ZEB2: variants seen among roughly 807,000 people sequenced by gnomAD.
The protein encoded by ZEB2 is zinc finger E-box-binding homeobox 2.
A neutral mutation model predicts 99.9 loss-of-function variants in ZEB2; 6 were observed. That is an observed-to-expected ratio of 0.06 (90% confidence interval 0.03 to 0.12). The LOEUF is 0.12. ZEB2 is among the 10% of genes least tolerant of loss of function. The pLI is 1.00. For synonymous variants in ZEB2, 517 were observed against 542.5 expected, an observed-to-expected ratio of 0.95 and a Z score of 0.65; for missense variants, 969 against 1,502.8, an observed-to-expected ratio of 0.64 and a Z score of 5.87.
intron 2 of ZEB2, 101 bp downstream of exon 2, chr2:144,517,171 GCGCCGC>G: frequency 2.0e-6 from 3 of 1,473,248 alleles, no homozygotes; most frequent in South Asian, 1.1e-5. Flanking sequence ...AGAGCCCTGG[GCGCCGC>G]CGCCGCCGCC....
intron 9 of ZEB2, chr2:144,394,557 T>C (rs932603561): frequency 8.5e-5 from 13 of 152,254 alleles, no homozygotes; most frequent in Non-Finnish European, 1.8e-4. Context: ...TATGAAAATA[T>C]CTTTACTTTG....
chr2:144,500,814 A>T (rs1160425904), intron 2 of ZEB2, among the ~76,000 whole-genome samples: 1 of 152,202 alleles, frequency 6.6e-6, no homozygotes, highest in Admixed American at 6.5e-5. Context: ...CAAGGAGCAT[A>T]CAAGTGAGGT....
intron 4 of ZEB2, among the ~76,000 whole-genome samples, chr2:144,414,203 T>C (rs1245883412): frequency 3.3e-5 from 5 of 152,212 alleles, no homozygotes; most frequent in Non-Finnish European, 7.3e-5. Context: ...TGTTCAATAC[T>C]TGAAGCAGTG....
chr2:144,487,850 A>C (rs1031080770), intron 2 of ZEB2, among the ~76,000 whole-genome samples: 1 of 152,278 alleles, frequency 6.6e-6, no homozygotes, highest in Non-Finnish European at 1.5e-5. Flanking sequence ...TATTACCTAA[A>C]GCATTTCAGC....
At chr2:144,447,940 A>G (rs1466845375) in intron 2 of ZEB2, among the ~76,000 whole-genome samples, 1 of 152,216 alleles carries the variant, frequency 6.6e-6, no homozygotes, top group African/African-American at 2.4e-5. Flanking sequence ...TAAGTTATCT[A>G]ACCTGCCTCC....
At chr2:144,462,276 G>C (rs1218435368) in intron 2 of ZEB2, 1 of 152,148 alleles carries the variant, frequency 6.6e-6, no homozygotes, top group Non-Finnish European at 1.5e-5. Context: ...TTCAGACACG[G>C]AACTTGGGTG....
chr2:144,517,294 A>G lies in ZEB2; in HGVS notation c.57T>C (p.Asn19=), dbSNP rs1219199315. ...GPRCKRRKQA[N]PRRKNVVNYD... is the part of the protein sequence containing the mutation. Reference sequence around the variant, plus strand: ...GCTTCTTACCGTTTTTCCTCCTGGGATTGGCTTGTTTGCGCCTCTTGCACC... The same window carrying G: ...GCTTCTTACCGTTTTTCCTCCTGGGGTTGGCTTGTTTGCGCCTCTTGCACC... Residue 19 remains asparagine (N), a synonymous_variant, in exon 2 of 10, where the codon AAT becomes AAC. Transcript: ENST00000627532. 1 of 1,612,918 alleles carries G rather than the reference A, an allele frequency of 6.2e-7. No homozygotes were observed. The highest frequency in any genetic ancestry group is 1.1e-5 in the South Asian group (1 of 91,068).
At chr2:144,398,169 T>C in intron 8 of ZEB2, 132 bp downstream of exon 8, 1 of 1,178,106 alleles carries the variant, frequency 8.5e-7, no homozygotes. Flanking sequence ...ACTGATGGTT[T>C]TAGGTTCATG....
chr2:144,512,886 C>G (rs1208748524), intron 2 of ZEB2: 23 of 1,287,098 alleles, frequency 1.8e-5, no homozygotes, highest in Non-Finnish European at 2.1e-5. Context: ...AGAACTGGTA[C>G]CTGCCACACA....
intron 2 of ZEB2, among the ~76,000 whole-genome samples, chr2:144,433,823 TC>T (rs1291316944): frequency 6.6e-6 from 1 of 152,214 alleles, no homozygotes; most frequent in African/African-American, 2.4e-5. Flanking sequence ...ACTTTTATTT[TC>T]AGATTTTTGT....
intron 2 of ZEB2, among the ~76,000 whole-genome samples, chr2:144,488,662 C>CATGTGTGA (rs1246686457): frequency 8.4e-5 from 7 of 83,656 alleles, no homozygotes; most frequent in African/African-American, 2.7e-4. Flanking sequence ...GATAATTGCT[C>CATGTGTGA]GTGTGTGAGT....
chr2:144,464,924 G>A (rs746787904), intron 2 of ZEB2, among the ~76,000 whole-genome samples: 2 of 152,176 alleles, frequency 1.3e-5, no homozygotes, highest in Non-Finnish European at 2.9e-5. Context: ...TTGATTAGGT[G>A]AGCTTCTTGA....
In ZEB2 at chr2:144,399,361, T is replaced by C; in HGVS notation, c.1826A>G (p.Glu609Gly). 1 of 1,614,176 alleles carries C rather than the reference T, an allele frequency of 6.2e-7. No homozygotes were observed. The highest frequency in any genetic ancestry group is 8.5e-7 in the Non-Finnish European group (1 of 1,180,010). Residue 609 changes from glutamate (E) to glycine (G), a missense_variant, in exon 8 of 10, where the codon GAG becomes GGG. By Grantham distance (98) the Glu-to-Gly change is moderately conservative (BLOSUM62 -2). This residue lies in a region of ZEB2 where 346 missense variants were observed against 460.0 expected (regional missense o/e 0.75). Coordinates refer to ENST00000627532, the MANE Select transcript of ZEB2 (RefSeq NM_014795.4). The surrounding 1 kb of genome is among the most constrained non-coding windows in gnomAD (Gnocchi z 5.6). ...HERYLCKMNE[E>G]IKAVLQPHEN... Reference sequence around the variant, plus strand: ...ATGAGGCTGCAGGACCGCCTTGATCTCTTCATTCATCTTACAAAGGTAACG... The same window carrying C: ...ATGAGGCTGCAGGACCGCCTTGATCCCTTCATTCATCTTACAAAGGTAACG...
intron 2 of ZEB2, among the ~76,000 whole-genome samples, chr2:144,456,375 G>C (rs1704122071): frequency 6.6e-6 from 1 of 152,160 alleles, no homozygotes; most frequent in Admixed American, 6.5e-5. Flanking sequence ...ACAATTCGAT[G>C]ATAAGTATGT....
chr2:144,442,351 T>C (rs1273922785), intron 2 of ZEB2, among the ~76,000 whole-genome samples: 3 of 152,222 alleles, frequency 2.0e-5, no homozygotes, highest in Non-Finnish European at 4.4e-5. Context: ...TTAAAAAATT[T>C]AGTTTCATAT....
At chr2:144,506,198 T>C (rs1244679998) in intron 2 of ZEB2, among the ~76,000 whole-genome samples, 2 of 152,188 alleles carry the variant, frequency 1.3e-5, no homozygotes, top group Admixed American at 6.5e-5. Flanking sequence ...CTCTACTATT[T>C]TTGTTTAAGT....
intron 2 of ZEB2, among the ~76,000 whole-genome samples, chr2:144,468,754 T>C (rs1704310265): frequency 6.6e-6 from 1 of 152,124 alleles, no homozygotes. Context: ...TGGGCTGTGC[T>C]GCTAAAACTC....
chr2:144,468,930 G>C (rs769006813), intron 2 of ZEB2, among the ~76,000 whole-genome samples: 1 of 151,930 alleles, frequency 6.6e-6, no homozygotes, highest in Non-Finnish European at 1.5e-5. Flanking sequence ...ATATCAAATC[G>C]AGGACTTACC....
chr2:144,411,070 T>C (rs1198515430), intron 4 of ZEB2, among the ~76,000 whole-genome samples: 2 of 102,158 alleles, frequency 2.0e-5, no homozygotes, highest in African/African-American at 6.8e-5. Context: ...TATATATATA[T>C]ATATATATAT....
Sources: allele counts gnomAD v4.1 joint callset (sites outside exome capture counted in the v4.1 genomes callset), GRCh38; gene constraint gnomAD v4.1.1; regional missense constraint gnomAD v4.1.1; non-coding constraint Gnocchi (gnomAD v3.1); transcripts MANE v1.5; gene names NCBI Gene and HGNC (gene_info 2026-07-23, HGNC 2026-07-21).